The following KRT8 variants were observed in gnomAD, a reference collection of about 807,000 sequenced individuals.
KRT8 encodes keratin 8, also known as keratin, type II cytoskeletal 8.
Under a neutral mutation model 43.0 loss-of-function variants are expected in KRT8, and 24 were observed. That is an observed-to-expected ratio of 0.56 (90% CI 0.40 to 0.78). KRT8 has a LOEUF of 0.78. Among genes scored for constraint, KRT8 ranks in the 30% least tolerant of loss-of-function variants. The pLI is 0.00. For synonymous variants in KRT8, 214 were observed against 261.2 expected, an observed-to-expected ratio of 0.82 and a Z score of 1.74; for missense variants, 492 against 638.4, an observed-to-expected ratio of 0.77 and a Z score of 2.47.
At chr12:52,919,119 G>A (rs141507732) in intron 2 of KRT8, among the ~76,000 whole-genome samples, 3 of 152,208 alleles carry the variant, frequency 2.0e-5, no homozygotes, top group Non-Finnish European at 4.4e-5. Context: ...CAATTCCTAG[G>A]GAGCTAGCCA....
At chr12:52,910,181 A>G (rs1228751935), upstream of KRT8, among the ~76,000 whole-genome samples, 2 of 152,336 alleles carry the variant, frequency 1.3e-5, no homozygotes, top group East Asian at 3.9e-4. Flanking sequence ...GCTATGGCTC[A>G]GTCCACAGAG....
At chr12:52,923,489 A>G (rs770247442) in intron 2 of KRT8, among the ~76,000 whole-genome samples, 3 of 152,036 alleles carry the variant, frequency 2.0e-5, no homozygotes, top group Non-Finnish European at 4.4e-5. Context: ...GCTTAATCTC[A>G]GCTCACTGCA....
At chr12:52,918,654 T>C (rs1941826669) in intron 2 of KRT8, among the ~76,000 whole-genome samples, 1 of 152,192 alleles carries the variant, frequency 6.6e-6, no homozygotes, top group Admixed American at 6.6e-5. Flanking sequence ...AAAATGCAGA[T>C]AGTAACAACT....
chr12:52,899,714 A>T (rs1941313491), intron 5 of KRT8, 61 bp downstream of exon 5: 2 of 1,480,776 alleles, frequency 1.4e-6, no homozygotes, highest in Non-Finnish European at 1.9e-6. Flanking sequence ...CTCTTCCTAC[A>T]TTATCTCCTC....
intron 2 of KRT8, chr12:52,949,013 C>G: frequency 1.6e-6 from 1 of 612,500 alleles, no homozygotes; most frequent in Non-Finnish European, 2.8e-6. Context: ...GGGCGGAGGG[C>G]GCGGGCTCCG....
chr12:52,949,449 C>T (rs761880219), intron 2 of KRT8: 2 of 1,613,314 alleles, frequency 1.2e-6, no homozygotes, highest in Non-Finnish European at 1.7e-6. Context: ...ACCGCCTGGC[C>T]TCTTACCTGG....
chr12:52,899,307 T>G (rs949026598), intron 5 of KRT8, among the ~76,000 whole-genome samples: 3 of 151,972 alleles, frequency 2.0e-5, no homozygotes, highest in African/African-American at 7.3e-5. Flanking sequence ...AGAGCAAGAC[T>G]CTGTCTCAAA....
intron 1 of KRT8, 92 bp downstream of exon 1, chr12:52,904,566 C>T: frequency 1.6e-6 from 2 of 1,221,584 alleles, no homozygotes; most frequent in South Asian, 1.3e-5. Context: ...CCCAGCAGGA[C>T]GCCAGCTGGG....
intron 2 of KRT8, among the ~76,000 whole-genome samples, chr12:52,922,286 C>T (rs553298752): frequency 1.3e-5 from 2 of 151,618 alleles, no homozygotes; most frequent in Non-Finnish European, 2.9e-5. Flanking sequence ...CTCCTCCCCA[C>T]CTTATACCTC....
intron 2 of KRT8, among the ~76,000 whole-genome samples, chr12:52,912,605 A>G (rs1941656834): frequency 6.6e-6 from 1 of 152,176 alleles, no homozygotes; most frequent in Admixed American, 6.5e-5. Flanking sequence ...TGCCTGATAC[A>G]GAAGACAAAG....
At chr12:52,905,752 TACAC>T (rs1278662309), upstream of KRT8, among the ~76,000 whole-genome samples, 2 of 137,718 alleles carry the variant, frequency 1.5e-5, no homozygotes, top group Non-Finnish European at 1.6e-5. Flanking sequence ...CACATACACA[TACAC>T]ACACAGTGGC....
upstream of KRT8, chr12:52,907,044 G>A (rs1941536377): frequency 3.9e-6 from 1 of 256,112 alleles, no homozygotes; most frequent in Non-Finnish European, 7.8e-6. Context: ...CCAGAAAAAT[G>A]CATAGATCCC....
chr12:52,911,097 A>G, upstream of KRT8, among the ~76,000 whole-genome samples: 1 of 152,112 alleles, frequency 6.6e-6, no homozygotes, highest in East Asian at 1.9e-4. Flanking sequence ...CACACCTGTA[A>G]TCCCAGCACT....
At chr12:52,897,402 A>C in exon 8 of KRT8, 1 of 1,588,526 alleles carries the variant, frequency 6.3e-7, no homozygotes, top group Non-Finnish European at 8.5e-7. Flanking sequence ...CAGGAGGGGT[A>C]GGCTGGGAGG....
exon 1 of KRT8, chr12:52,949,814 G>T: frequency 1.4e-6 from 1 of 706,502 alleles, no homozygotes; most frequent in South Asian, 1.5e-5. Flanking sequence ...GGACAGGGTT[G>T]AGAGCTTTAC....
chr12:52,910,000 G>A (rs1262410044), upstream of KRT8, among the ~76,000 whole-genome samples: 2 of 151,904 alleles, frequency 1.3e-5, no homozygotes, highest in Admixed American at 1.3e-4. Flanking sequence ...TCGAACTCCT[G>A]GATGCAAGCA....
At chr12:52,922,942 T>A (rs1941917543) in intron 2 of KRT8, among the ~76,000 whole-genome samples, 1 of 152,064 alleles carries the variant, frequency 6.6e-6, no homozygotes. Flanking sequence ...GGCCAACACC[T>A]CTGATAAAGG....
At chr12:52,938,156 ATATATATATATATATTTTTTTT>A (rs1452316058) in intron 2 of KRT8, among the ~76,000 whole-genome samples, 1 of 31,942 alleles carries the variant, frequency 3.1e-5, no homozygotes, top group African/African-American at 2.4e-4. Flanking sequence ...ATATATATAT[ATATATATATATATATTTTTTTT>A]TTTTTTTATA....
Position 52,938,178 on chromosome 12 carries a change from TTTTTTTTA to T in KRT8, c.-47+11270_-47+11277del, listed in dbSNP as rs1243963088. 1.2e-3 allele frequency among the ~76,000 whole-genome samples: 68 copies of T among 54,842 alleles called. 3 individuals are homozygous for T. Among genetic ancestry groups the T allele is most frequent in the African/African-American group, 3.5e-3 (47 of 13,254 alleles). The allele number at this position is 54,842 out of a possible 152,430, so 36.0% of individuals were successfully genotyped here. On this transcript the variant is annotated intron_variant, in intron 2 of 6. Transcript: ENST00000546826. ...TATATATATATATATATATTTTTTTTTTTTTTTATATATAAGGTCTTGCTCTGTCGCCC... is the reference window on the plus strand; with the variant it reads ...TATATATATATATATATATTTTTTTTTATATAAGGTCTTGCTCTGTCGCCC...
Sources: allele counts gnomAD v4.1 joint callset (sites outside exome capture counted in the v4.1 genomes callset), GRCh38; gene constraint gnomAD v4.1.1; transcripts MANE v1.5; gene names NCBI Gene and HGNC (gene_info 2026-07-23, HGNC 2026-07-21).